SYN3: variants seen among roughly 807,000 people sequenced by gnomAD.
SYN3 encodes synapsin-3.
Under a neutral mutation model 65.8 loss-of-function variants are expected in SYN3, and 35 were observed. That is an observed-to-expected ratio of 0.53 (90% CI 0.41 to 0.70). SYN3 has a LOEUF of 0.70. Ranked by LOEUF, SYN3 falls within the 30% of genes least tolerant of loss-of-function variation. The pLI is 0.00. For missense variants in SYN3, 680 were observed against 749.0 expected (o/e 0.91, Z 1.08); for synonymous variants, 270 against 292.9 (o/e 0.92, Z 0.80).
intron 6 of SYN3, among the ~76,000 whole-genome samples, chr22:32,828,824 G>C (rs949066891): frequency 3.9e-5 from 6 of 152,202 alleles, no homozygotes; most frequent in African/African-American, 1.4e-4. Flanking sequence ...AGCCAGCGGT[G>C]GGGAGGGGAG....
At chr22:32,527,772 C>G in intron 12 of SYN3, 146 bp downstream of exon 12, 6 of 669,212 alleles carry the variant, frequency 9.0e-6, no homozygotes, top group Non-Finnish European at 1.5e-5. Flanking sequence ...AAGAGTTTGA[C>G]CAACCCCATA....
intron 3 of SYN3, among the ~76,000 whole-genome samples, chr22:32,979,556 T>C (rs1376119954): frequency 2.0e-5 from 3 of 152,174 alleles, no homozygotes; most frequent in Non-Finnish European, 4.4e-5. Context: ...ATTTTAAAAA[T>C]TGTATTTTGA....
intron 6 of SYN3, among the ~76,000 whole-genome samples, chr22:32,732,007 A>C (rs9985184): frequency 0.023 from 3,494 of 152,316 alleles, 160 homozygotes; most frequent in African/African-American, 0.08. Flanking sequence ...ATGCATGCAA[A>C]GAGCTTAACA....
intron 3 of SYN3, among the ~76,000 whole-genome samples, chr22:32,960,516 G>A (rs2051614678): frequency 6.6e-6 from 1 of 152,190 alleles, no homozygotes; most frequent in African/African-American, 2.4e-5. Flanking sequence ...CATGTGGCAT[G>A]GGGTGCTGTG....
chr22:32,937,836 C>T (rs1272934854), intron 3 of SYN3, among the ~76,000 whole-genome samples: 3 of 71,064 alleles, frequency 4.2e-5, no homozygotes, highest in Non-Finnish European at 9.2e-5. Flanking sequence ...GACAAAAATA[C>T]ACACAAAAAA....
intron 4 of SYN3, among the ~76,000 whole-genome samples, chr22:32,886,855 G>A (rs567929338): frequency 2.6e-5 from 4 of 152,156 alleles, no homozygotes; most frequent in African/African-American, 7.2e-5. Flanking sequence ...GCATAGTTAC[G>A]TGCTGCCAAG....
At chr22:32,990,863 C>T (rs2052692922) in intron 2 of SYN3, among the ~76,000 whole-genome samples, 1 of 151,906 alleles carries the variant, frequency 6.6e-6, no homozygotes, top group Admixed American at 6.6e-5. Context: ...ACCTGGCCAA[C>T]ATAGCGAAAA....
intron 6 of SYN3, chr22:32,861,520 C>G (rs1285325048): frequency 6.6e-6 from 1 of 152,484 alleles, no homozygotes; most frequent in East Asian, 1.9e-4. Flanking sequence ...AAGTTCCCTC[C>G]CACAAGTGGA....
intron 6 of SYN3, among the ~76,000 whole-genome samples, chr22:32,683,695 G>A (rs1218943218): frequency 6.6e-6 from 1 of 152,098 alleles, no homozygotes; most frequent in Non-Finnish European, 1.5e-5. Context: ...ATATTGTGGT[G>A]ACATCTATAA....
intron 6 of SYN3, among the ~76,000 whole-genome samples, chr22:32,612,569 TG>T (rs2059460044): frequency 6.6e-6 from 1 of 152,168 alleles, no homozygotes; most frequent in African/African-American, 2.4e-5. Context: ...AGGCCACGCA[TG>T]GTGGCTCACG....
intron 1 of SYN3, among the ~76,000 whole-genome samples, chr22:33,034,931 C>T (rs2053825269): frequency 6.6e-6 from 1 of 152,120 alleles, no homozygotes; most frequent in Non-Finnish European, 1.5e-5. Flanking sequence ...CTCTTTGATA[C>T]CTGATGCCTT....
intron 6 of SYN3, among the ~76,000 whole-genome samples, chr22:32,696,315 T>C (rs1002526786): frequency 3.3e-5 from 5 of 152,242 alleles, no homozygotes; most frequent in African/African-American, 1.2e-4. Flanking sequence ...ATGGCTCAAC[T>C]AAATGCAAAG....
At chr22:32,666,886 C>A (rs2060296638) in intron 6 of SYN3, among the ~76,000 whole-genome samples, 1 of 152,142 alleles carries the variant, frequency 6.6e-6, no homozygotes. Context: ...TAATGAACCA[C>A]CTCCCCACCT....
chr22:32,577,683 G>T (rs550017729), intron 7 of SYN3, among the ~76,000 whole-genome samples: 6 of 152,266 alleles, frequency 3.9e-5, no homozygotes, highest in Non-Finnish European at 8.8e-5. Context: ...CTCACTCTGG[G>T]AGCTTATTTC....
rs1029848442 is a variant in SYN3, at chr22:32,661,676, G to A, written c.712-64940C>T. Reference sequence around the variant, plus strand: ...AACAGGATACAAGGGGACCTGTCGCGGTCAAGCAGGGTCCTTCTCTTTCCC... The same window carrying A: ...AACAGGATACAAGGGGACCTGTCGCAGTCAAGCAGGGTCCTTCTCTTTCCC... On this transcript the variant is annotated intron_variant, in intron 6 of 13. Transcript: ENST00000358763. Among the ~76,000 whole-genome samples, 12 of 152,090 alleles carry A rather than the reference G, an allele frequency of 7.9e-5. No individual in the cohort carries two copies. In the East Asian group the frequency reaches 9.7e-4, roughly 12 times the overall value.
intron 6 of SYN3, among the ~76,000 whole-genome samples, chr22:32,657,291 T>A (rs2060155142): frequency 6.6e-6 from 1 of 151,998 alleles, no homozygotes; most frequent in Non-Finnish European, 1.5e-5. Context: ...ACCCGGCTGA[T>A]TTTTTGTATT....
At chr22:32,818,770 C>T (rs929256527) in intron 6 of SYN3, among the ~76,000 whole-genome samples, 7 of 152,120 alleles carry the variant, frequency 4.6e-5, no homozygotes, top group African/African-American at 1.7e-4. Context: ...ACTGCTTCCA[C>T]CTGGATCTGG....
intron 4 of SYN3, among the ~76,000 whole-genome samples, chr22:32,910,532 G>C (rs1328238712): frequency 1.3e-5 from 2 of 152,158 alleles, no homozygotes; most frequent in African/African-American, 4.8e-5. Context: ...CAAGGGACTG[G>C]ACTTTACTTC....
At chr22:33,010,819 C>G (rs971016390) in intron 1 of SYN3, among the ~76,000 whole-genome samples, 2 of 152,096 alleles carry the variant, frequency 1.3e-5, no homozygotes, top group African/African-American at 4.8e-5. Flanking sequence ...ATAGAGATCT[C>G]GCATACATTT....
Sources: gnomAD v4.1 joint callset for allele counts (sites outside exome capture counted in the v4.1 genomes callset) on GRCh38, gnomAD v4.1.1 for gene constraint, MANE v1.5 for transcripts, NCBI Gene and HGNC (gene_info 2026-07-23, HGNC 2026-07-21) for gene names.